The following CDKL1 variants were observed in gnomAD, a reference collection of about 807,000 sequenced individuals.
CDKL1 encodes cyclin-dependent kinase-like 1.
A neutral mutation model predicts 42.0 loss-of-function variants in CDKL1; 41 were observed. That is an observed-to-expected ratio of 0.98 (90% CI 0.76 to 1.27). The LOEUF is 1.27. Among genes scored for constraint, CDKL1 ranks in the 50% most tolerant of loss-of-function variants. CDKL1 has a pLI of 0.00. For missense variants in CDKL1, 394 were observed against 428.4 expected, an observed-to-expected ratio of 0.92 and a Z score of 0.71; for synonymous variants, 153 against 158.6, an observed-to-expected ratio of 0.96 and a Z score of 0.26.
intron 2 of CDKL1, among the ~76,000 whole-genome samples, chr14:50,374,820 C>T (rs1346723164): frequency 2.0e-5 from 3 of 152,130 alleles, no homozygotes; most frequent in South Asian, 4.1e-4. Context: ...GCTTAGATCT[C>T]GTTTTTTGAT....
At chr14:50,370,328 CACAGTGCTAGGATT>C (rs2034556527) in intron 2 of CDKL1, among the ~76,000 whole-genome samples, 1 of 152,188 alleles carries the variant, frequency 6.6e-6, no homozygotes, top group Non-Finnish European at 1.5e-5. Context: ...CTCAGCTTCC[CACAGTGCTAGGATT>C]ACAGGCGTGA....
chr14:50,339,216 A>G (rs568747980), intron 6 of CDKL1, among the ~76,000 whole-genome samples, 187 bp from the exon 7 acceptor site: 2 of 152,256 alleles, frequency 1.3e-5, no homozygotes, highest in African/African-American at 4.8e-5. Flanking sequence ...TGGACAGCAC[A>G]CTGTGTTAGG....
chr14:50,331,639 T>C (rs1467188391), intron 9 of CDKL1: 1 of 203,842 alleles, frequency 4.9e-6, no homozygotes, highest in East Asian at 1.3e-4. Flanking sequence ...CCAGGATCAG[T>C]TGTGGTTCCA....
At chr14:50,373,260 T>C (rs1204919777) in intron 2 of CDKL1, among the ~76,000 whole-genome samples, 2 of 152,158 alleles carry the variant, frequency 1.3e-5, no homozygotes, top group Admixed American at 6.6e-5. Flanking sequence ...TACAAAGAAG[T>C]CTTATTTATG....
intron 2 of CDKL1, among the ~76,000 whole-genome samples, chr14:50,375,106 T>A (rs966814135): frequency 2.6e-5 from 4 of 151,736 alleles, no homozygotes; most frequent in Non-Finnish European, 5.9e-5. Context: ...TTAAAAAAAA[T>A]TAAAAAAAGA....
intron 7 of CDKL1, chr14:50,335,685 A>G: frequency 1.3e-6 from 2 of 1,482,298 alleles, no homozygotes; most frequent in Non-Finnish European, 8.9e-7. Context: ...TGAGCAAAAT[A>G]AGTGACTGCA....
chr14:50,374,271 C>T (rs1485591498), intron 2 of CDKL1, among the ~76,000 whole-genome samples: 2 of 152,036 alleles, frequency 1.3e-5, no homozygotes, highest in African/African-American at 2.4e-5. Context: ...CAGAGGATGT[C>T]GGGAGGGTTG....
At chr14:50,377,663 G>A (rs1595358603) in intron 2 of CDKL1, 1 of 1,353,014 alleles carries the variant, frequency 7.4e-7, no homozygotes, top group African/African-American at 1.5e-5. Context: ...CCAGGGAGGT[G>A]TAGCAACACA....
chr14:50,363,751 C>T (rs909153397), intron 2 of CDKL1: 1 of 152,326 alleles, frequency 6.6e-6, no homozygotes, highest in African/African-American at 2.4e-5. Context: ...CCTGGTGCCT[C>T]CCACTTGCCA....
chr14:50,383,335 A>G (rs2034977510), intron 2 of CDKL1, among the ~76,000 whole-genome samples: 1 of 152,008 alleles, frequency 6.6e-6, no homozygotes, highest in Admixed American at 6.5e-5. Flanking sequence ...AGATCACTTG[A>G]GGTCAGGAGT....
At chr14:50,332,754 G>C (rs756085457) in intron 8 of CDKL1, 7 of 1,240,880 alleles carry the variant, frequency 5.6e-6, no homozygotes, top group Non-Finnish European at 7.9e-6. Context: ...AATCCATTTA[G>C]CCAGTTTGGT....
intron 2 of CDKL1, among the ~76,000 whole-genome samples, chr14:50,391,183 T>C (rs146607244): frequency 2.1e-3 from 320 of 152,254 alleles, no homozygotes; most frequent in Middle Eastern, 0.01. Context: ...TGTCTTTCTC[T>C]GTAATCTGAC....
In CDKL1 at chr14:50,359,193, G is replaced by A. The variant is rs766017625; in HGVS notation, c.169-44C>T. ...AAGTTACTAAATTTGACTTGTGAAA[G>A]ACAGCTTTCTCTAATCTTGATCCAA... On this transcript the variant is annotated intron_variant, in intron 2 of 9. Coordinates refer to ENST00000395834, the MANE Select transcript of CDKL1 (RefSeq NM_004196.7). 5.9e-5 allele frequency: 93 copies of A among 1,581,640 alleles called. 1 individual carries two copies. The highest frequency in any genetic ancestry group is 7.8e-5 in the Non-Finnish European group (91 of 1,159,760).
At chr14:50,363,301 G>A (rs1220528207) in intron 2 of CDKL1, 1 of 176,676 alleles carries the variant, frequency 5.7e-6, no homozygotes, top group Non-Finnish European at 1.2e-5. Context: ...TCTTAGAACT[G>A]AGGGCACTCC....
At chr14:50,341,700 G>C (rs1750997336) in intron 5 of CDKL1, among the ~76,000 whole-genome samples, 2 of 151,064 alleles carry the variant, frequency 1.3e-5, no homozygotes, top group African/African-American at 4.9e-5. Flanking sequence ...AGGATCACCT[G>C]AACTGGGGAG....
chr14:50,376,959 G>T (rs2034750645), intron 2 of CDKL1, among the ~76,000 whole-genome samples: 1 of 152,178 alleles, frequency 6.6e-6, no homozygotes, highest in Non-Finnish European at 1.5e-5. Context: ...AAAAAGATCT[G>T]AAGAAGGTAA....
In CDKL1 at chr14:50,395,895, G is replaced by A. The variant is rs1566617087; in HGVS notation, c.-27C>T. 6.2e-7 allele frequency: 1 copy of A among 1,608,298 alleles called. No homozygotes were observed. Among genetic ancestry groups the A allele is most frequent in the African/African-American group, 1.3e-5 (1 of 74,712 alleles). ...ATAGAGGAATAAATCTTCTTAAAAT[G>A]GATCTTCAGCCGAGAATGGTGGCTC... On this transcript the variant is annotated 5_prime_UTR_variant, in exon 2 of 10. Coordinates refer to ENST00000395834, the MANE Select transcript of CDKL1 (RefSeq NM_004196.7).
intron 2 of CDKL1, 147 bp from the exon 3 acceptor site, chr14:50,359,296 C>T (rs991200448): frequency 1.2e-6 from 1 of 857,844 alleles, no homozygotes; most frequent in African/African-American, 1.7e-5. Context: ...TCTTACCCCT[C>T]TTAACAAGCT....
At chr14:50,358,366 C>T (rs752522033) in intron 3 of CDKL1, among the ~76,000 whole-genome samples, 3 of 152,166 alleles carry the variant, frequency 2.0e-5, no homozygotes, top group Non-Finnish European at 4.4e-5. Context: ...GTAGCCATTG[C>T]CTTTGGAATC....
Sources: gnomAD v4.1 joint callset for allele counts (sites outside exome capture counted in the v4.1 genomes callset) on GRCh38, gnomAD v4.1.1 for gene constraint, MANE v1.5 for transcripts, NCBI Gene and HGNC (gene_info 2026-07-23, HGNC 2026-07-21) for gene names.